The following CSTPP1 variants were observed in gnomAD, a reference collection of about 807,000 sequenced individuals.
CSTPP1 encodes UPF0705 protein C11orf49.
chr11:46,951,156 A>C, the CSTPP1 span, among the ~76,000 whole-genome samples: 4 of 152,266 alleles, frequency 2.6e-5, no homozygotes, highest in Non-Finnish European at 4.4e-5. Context: ...CTCTAAAGCC[A>C]GTAGTATTGT....
At chr11:47,010,090 G>A in the CSTPP1 span, among the ~76,000 whole-genome samples, 3 of 152,082 alleles carry the variant, frequency 2.0e-5, no homozygotes, top group African/African-American at 7.2e-5. Flanking sequence ...TATACGGTCA[G>A]GAAAGAATTC....
At chr11:47,161,797 G>C in the CSTPP1 span, 4 of 1,411,988 alleles carry the variant, frequency 2.8e-6, no homozygotes, top group South Asian at 1.6e-5. Context: ...CTGATGATCA[G>C]CCCAGCCAGT....
At chr11:46,972,501 G>A in the CSTPP1 span, among the ~76,000 whole-genome samples, 1 of 152,080 alleles carries the variant, frequency 6.6e-6, no homozygotes, top group Admixed American at 6.5e-5. Flanking sequence ...TTTTGAGCTG[G>A]GCTATTTGAG....
the CSTPP1 span, among the ~76,000 whole-genome samples, chr11:47,083,378 CT>C: frequency 6.6e-6 from 1 of 152,220 alleles, no homozygotes; most frequent in African/African-American, 2.4e-5. Context: ...ATTGTTTCCA[CT>C]TTTTGGCTAT....
the CSTPP1 span, among the ~76,000 whole-genome samples, chr11:47,125,103 G>A: frequency 2.0e-5 from 3 of 152,052 alleles, no homozygotes; most frequent in Non-Finnish European, 4.4e-5. Flanking sequence ...TTCTCTTCCC[G>A]ATACATATCC....
chr11:46,963,608 AC>A, the CSTPP1 span, among the ~76,000 whole-genome samples: 2 of 151,492 alleles, frequency 1.3e-5, no homozygotes, highest in African/African-American at 4.9e-5. Context: ...ACATGGTGAA[AC>A]CCGTCTATAC....
the CSTPP1 span, among the ~76,000 whole-genome samples, chr11:47,156,833 G>A: frequency 6.6e-6 from 1 of 152,244 alleles, no homozygotes; most frequent in South Asian, 2.1e-4. Flanking sequence ...CAAAAACACA[G>A]ATTAGTGTCA....
At chr11:47,005,540 A>T in the CSTPP1 span, among the ~76,000 whole-genome samples, 1 of 152,218 alleles carries the variant, frequency 6.6e-6, no homozygotes, top group Non-Finnish European at 1.5e-5. Flanking sequence ...AAGTAAAATT[A>T]GTTGAGTCTT....
At chr11:47,117,322 C>T in the CSTPP1 span, among the ~76,000 whole-genome samples, 2 of 152,204 alleles carry the variant, frequency 1.3e-5, no homozygotes, top group African/African-American at 4.8e-5. Context: ...TCTTGTAAGG[C>T]AGGCCTGGTG....
the CSTPP1 span, among the ~76,000 whole-genome samples, chr11:46,938,742 A>G: frequency 2.1e-5 from 3 of 142,876 alleles, no homozygotes; most frequent in African/African-American, 7.6e-5. Context: ...ATTCCATTGT[A>G]TGGATGTACC....
At chr11:47,052,517 C>T in the CSTPP1 span, 14 of 1,612,756 alleles carry the variant, frequency 8.7e-6, no homozygotes, top group Middle Eastern at 3.3e-4. Flanking sequence ...GCAAAAATGG[C>T]GGTAAGTCTT....
chr11:47,127,347 C>A, the CSTPP1 span, among the ~76,000 whole-genome samples: 1 of 152,178 alleles, frequency 6.6e-6, no homozygotes, highest in South Asian at 2.1e-4. Context: ...AAATATGAGC[C>A]ATCAGCACTA....
chr11:47,000,501 G>T, the CSTPP1 span, among the ~76,000 whole-genome samples: 2 of 152,048 alleles, frequency 1.3e-5, no homozygotes, highest in African/African-American at 4.8e-5. Flanking sequence ...CAAGTGTCTT[G>T]TTTTCGTTTT....
chr11:46,949,271 G>C, the CSTPP1 span, among the ~76,000 whole-genome samples: 2 of 152,100 alleles, frequency 1.3e-5, no homozygotes, highest in Admixed American at 6.5e-5. Flanking sequence ...ACCTAAAATT[G>C]ATTGTCTTTC....
chr11:47,002,345 G>C, the CSTPP1 span, among the ~76,000 whole-genome samples: 1 of 152,156 alleles, frequency 6.6e-6, no homozygotes, highest in Non-Finnish European at 1.5e-5. Context: ...AAAGACTACA[G>C]GGAGCCATGG....
At chr11:47,075,742 A>C in the CSTPP1 span, among the ~76,000 whole-genome samples, 2 of 151,896 alleles carry the variant, frequency 1.3e-5, no homozygotes, top group Non-Finnish European at 2.9e-5. Flanking sequence ...AGGGTGGTTA[A>C]GCCCCGTCTC....
chr11:47,117,874 T>A, the CSTPP1 span, among the ~76,000 whole-genome samples: 1 of 124,510 alleles, frequency 8.0e-6, no homozygotes, highest in African/African-American at 3.0e-5. Context: ...CTGTATTTCT[T>A]TTCTTTTTTT....
At chr11:47,021,009 G>A in the CSTPP1 span, among the ~76,000 whole-genome samples, 1 of 152,174 alleles carries the variant, frequency 6.6e-6, no homozygotes. Flanking sequence ...CAGGAGTTTA[G>A]GATGTTACCA....
chr11:46,970,064 T>C, the CSTPP1 span, among the ~76,000 whole-genome samples: 2 of 152,298 alleles, frequency 1.3e-5, no homozygotes, highest in East Asian at 3.8e-4. Context: ...TATATATGTA[T>C]ACACACATAC....
Sources: gnomAD v4.1 joint callset for allele counts (sites outside exome capture counted in the v4.1 genomes callset) on GRCh38, gnomAD v4.1.1 for gene constraint, MANE v1.5 for transcripts, NCBI Gene and HGNC (gene_info 2026-07-23, HGNC 2026-07-21) for gene names.